DMD: variants seen among roughly 807,000 people sequenced by gnomAD.
The protein encoded by DMD is dystrophin.
DMD carries 63 observed loss-of-function variants against 330.1 expected under a neutral mutation model. The ratio of observed to expected loss-of-function variants is 0.19; its 90% CI spans 0.16 to 0.24. DMD has a LOEUF of 0.24. DMD is among the 10% of genes least tolerant of loss of function. The probability of loss-of-function intolerance (pLI) is 1.00; values close to 1 mark genes in which losing one functional copy is unlikely to be tolerated. For missense variants in DMD, 3,344 were observed against 2,684.1 expected, an observed-to-expected ratio of 1.25 and a Z score of -5.43; for synonymous variants, 1,223 against 959.8, an observed-to-expected ratio of 1.27 and a Z score of -5.07.
intron 41 of DMD, among the ~76,000 whole-genome samples, chrX:32,316,707 A>G (rs768650935): frequency 2.6e-4 from 29 of 111,559 alleles, no homozygotes; most frequent in Non-Finnish European, 4.3e-4. Context: ...AATCTGATAT[A>G]TACAATAATG....
chrX:33,306,557 G>A (rs1254831131), intron 1 of DMD, among the ~76,000 whole-genome samples: 1 of 111,043 alleles, frequency 9.0e-6, no homozygotes, highest in Non-Finnish European at 1.9e-5. Flanking sequence ...TAGAATGGTA[G>A]AAGTAGGGCT....
intron 67 of DMD, among the ~76,000 whole-genome samples, chrX:31,202,727 C>G (rs1345826893): frequency 1.8e-5 from 2 of 111,235 alleles, no homozygotes; most frequent in African/African-American, 3.3e-5. Context: ...ATTGAGAAAC[C>G]CTACATAAGA....
At chrX:32,542,549 C>G (rs986199032) in intron 17 of DMD, among the ~76,000 whole-genome samples, 10 of 112,123 alleles carry the variant, frequency 8.9e-5, no homozygotes, top group African/African-American at 3.2e-4. Flanking sequence ...GGTAGTGTGT[C>G]ACAGAAGCTG....
chrX:31,522,481 G>T (rs2072923810), intron 55 of DMD, among the ~76,000 whole-genome samples: 1 of 104,142 alleles, frequency 9.6e-6, no homozygotes, highest in Non-Finnish European at 1.9e-5. Flanking sequence ...ATCTGTTTAA[G>T]ATTTTTTGGT....
intron 48 of DMD, among the ~76,000 whole-genome samples, chrX:31,854,598 CAT>C (rs779587062): frequency 8.9e-6 from 1 of 111,914 alleles, no homozygotes; most frequent in African/African-American, 3.2e-5. Flanking sequence ...CACAACCTAA[CAT>C]ATGGTGAATC....
chrX:32,064,838 G>T (rs920726809), intron 44 of DMD, among the ~76,000 whole-genome samples: 5 of 111,221 alleles, frequency 4.5e-5, no homozygotes, highest in Admixed American at 9.6e-5. Flanking sequence ...AGGATAATGG[G>T]GGAAAATGCT....
chrX:33,105,663 C>A (rs2095280036), intron 1 of DMD, among the ~76,000 whole-genome samples: 3 of 111,857 alleles, frequency 2.7e-5, no homozygotes, highest in Non-Finnish European at 5.6e-5. Context: ...TCAACAAATA[C>A]ATGAAAAAAT....
intron 62 of DMD, among the ~76,000 whole-genome samples, chrX:31,279,508 C>T (rs1464869047): frequency 6.3e-5 from 7 of 111,671 alleles, no homozygotes; most frequent in Non-Finnish European, 1.1e-4. Context: ...TGACTTGCTT[C>T]GGCTAATGGA....
chrX:32,007,939 C>G (rs1342973846), intron 44 of DMD, among the ~76,000 whole-genome samples: 1 of 111,699 alleles, frequency 9.0e-6, no homozygotes, highest in Non-Finnish European at 1.9e-5. Context: ...AATAATTTTT[C>G]TTTCAGCTAG....
intron 42 of DMD, among the ~76,000 whole-genome samples, chrX:32,294,025 T>A (rs1422488359): frequency 8.9e-6 from 1 of 111,965 alleles, no homozygotes; most frequent in African/African-American, 3.2e-5. Context: ...GCTAGCCTGA[T>A]TAGGTCAGGT....
intron 40 of DMD, chrX:32,342,532 T>C (rs2097749060): frequency 1.1e-5 from 4 of 378,470 alleles, no homozygotes; most frequent in Non-Finnish European, 1.8e-5. Flanking sequence ...TAACATTTTC[T>C]TTCTTCTAAA....
At chrX:32,669,196 T>C (rs1191627960) in intron 9 of DMD, among the ~76,000 whole-genome samples, 8 of 111,308 alleles carry the variant, frequency 7.2e-5, no homozygotes, top group South Asian at 3.8e-4. Flanking sequence ...CAGTTTCCCA[T>C]AATCAGCCGT....
intron 7 of DMD, among the ~76,000 whole-genome samples, chrX:32,748,924 C>T (rs1264392356): frequency 8.9e-6 from 1 of 112,373 alleles, no homozygotes; most frequent in East Asian, 2.8e-4. Context: ...TTCTTCCTCA[C>T]CTCTATGGGT....
chrX:32,622,573 T>C (rs1365312277), intron 11 of DMD, among the ~76,000 whole-genome samples: 2 of 111,940 alleles, frequency 1.8e-5, no homozygotes, highest in Non-Finnish European at 3.8e-5. Flanking sequence ...CCTTCCTTCC[T>C]ATAGGACAAA....
At chrX:32,350,658 G>A (rs888168765) in intron 37 of DMD, among the ~76,000 whole-genome samples, 1 of 110,887 alleles carries the variant, frequency 9.0e-6, no homozygotes, top group African/African-American at 3.3e-5. Flanking sequence ...ACCAGTTCCA[G>A]CCTGTGCCCA....
At position 32,822,548 on chromosome X, in the gene DMD, T is replaced by G. The variant is rs751210017; in HGVS notation, c.357+747A>C. Among the ~76,000 whole-genome samples, 329 of 110,560 alleles carry G rather than the reference T, an allele frequency of 3.0e-3. 1 individual carries two copies. The highest frequency in any genetic ancestry group is 0.01 in the African/African-American group (309 of 30,438). Reference sequence around the variant, plus strand: ...AGTGGATAATATTAGTGGATATAAGTTCATGTTGGTCTTATATATACATAT... The same window carrying G: ...AGTGGATAATATTAGTGGATATAAGGTCATGTTGGTCTTATATATACATAT... On this transcript the variant is annotated intron_variant, in intron 5 of 78. Transcript: ENST00000357033.
chrX:31,176,810 G>A (rs1425627276), intron 71 of DMD, among the ~76,000 whole-genome samples: 1 of 110,919 alleles, frequency 9.0e-6, no homozygotes, highest in African/African-American at 3.3e-5. Context: ...TCAAAATTAA[G>A]GGGCGCAATA....
At chrX:31,335,011 C>T (rs762471562) in intron 61 of DMD, among the ~76,000 whole-genome samples, 1 of 112,195 alleles carries the variant, frequency 8.9e-6, no homozygotes, top group Non-Finnish European at 1.9e-5. Flanking sequence ...TTCCTGACCA[C>T]TCCACTAAAA....
chrX:32,592,660 G>A (rs753607709), intron 13 of DMD, among the ~76,000 whole-genome samples: 45 of 112,222 alleles, frequency 4.0e-4, no homozygotes, highest in African/African-American at 1.4e-3. Flanking sequence ...AGGACAAAAA[G>A]AGCTGTAACA....
Sources: gnomAD v4.1 joint callset for allele counts (sites outside exome capture counted in the v4.1 genomes callset) on GRCh38, gnomAD v4.1.1 for gene constraint, MANE v1.5 for transcripts, NCBI Gene and HGNC (gene_info 2026-07-23, HGNC 2026-07-21) for gene names.